The following CYP46A1 variants were observed in gnomAD, a reference collection of about 807,000 sequenced individuals.
CYP46A1 encodes cytochrome P450 family 46 subfamily A member 1, also known as cholesterol 24-hydroxylase.
A neutral mutation model predicts 63.3 loss-of-function variants in CYP46A1; 20 were observed. The ratio of observed to expected loss-of-function variants is 0.32; its 90% confidence interval spans 0.22 to 0.46. The LOEUF is 0.46. Ranked by LOEUF, CYP46A1 falls within the 20% of genes least tolerant of loss-of-function variation. The probability of loss-of-function intolerance (pLI) is 1.00; values close to 1 mark genes in which losing one functional copy is unlikely to be tolerated. For missense variants in CYP46A1, 445 were observed against 670.8 expected (o/e 0.66, Z 3.72); for synonymous variants, 268 against 273.6 (o/e 0.98, Z 0.20).
chr14:99,689,246 G>A (rs1164492397), intron 1 of CYP46A1, among the ~76,000 whole-genome samples: 1 of 152,176 alleles, frequency 6.6e-6, no homozygotes, highest in Non-Finnish European at 1.5e-5. Context: ...GCTTGTCTGA[G>A]ATTGGTCCCC....
intron 10 of CYP46A1, among the ~76,000 whole-genome samples, chr14:99,719,524 C>A (rs945017721): frequency 5.3e-5 from 8 of 151,718 alleles, no homozygotes; most frequent in African/African-American, 1.9e-4. Context: ...TCCTGGCCTC[C>A]GTCTCCAGAC....
intron 5 of CYP46A1, among the ~76,000 whole-genome samples, chr14:99,705,351 G>T (rs1251358972): frequency 6.6e-6 from 1 of 152,164 alleles, no homozygotes; most frequent in Non-Finnish European, 1.5e-5. Context: ...GGGGCTACAG[G>T]AGTGTGCCAC....
chr14:99,707,184 C>T (rs1247599030), intron 6 of CYP46A1, among the ~76,000 whole-genome samples: 7 of 152,296 alleles, frequency 4.6e-5, no homozygotes, highest in East Asian at 1.9e-4. Context: ...TATGTGGGGG[C>T]GGGGCAGGTC....
At chr14:99,718,861 C>T (rs554847738) in intron 10 of CYP46A1, among the ~76,000 whole-genome samples, 26 of 152,060 alleles carry the variant, frequency 1.7e-4, no homozygotes, top group African/African-American at 4.6e-4. Context: ...ATAAGCATTT[C>T]GTATAAAAAT....
In CYP46A1 at chr14:99,718,115, G is replaced by A; in HGVS notation, c.969G>A (p.Glu323=). ...TGATGGAGCTGTCTCGCCAGCCAGAGATCGTGGCAAGGTATGGGGGCTGCT... is the reference window on the plus strand; with the variant it reads ...TGATGGAGCTGTCTCGCCAGCCAGAAATCGTGGCAAGGTATGGGGGCTGCT... ...FTVMELSRQP[E]IVARLQAEVD... Residue 323 remains glutamate (E), a synonymous_variant, in exon 10 of 15, where the codon GAG becomes GAA. Coordinates refer to ENST00000261835, the MANE Select transcript of CYP46A1 (RefSeq NM_006668.2). The A allele has an allele frequency of 6.2e-7, 1 of 1,614,154 alleles. No homozygotes were observed. Among genetic ancestry groups the A allele is most frequent in the East Asian group, 2.2e-5 (1 of 44,866 alleles).
At chr14:99,703,927 A>G (rs1595192407) in intron 5 of CYP46A1, 8 of 970,954 alleles carry the variant, frequency 8.2e-6, no homozygotes, top group African/African-American at 1.8e-5. Flanking sequence ...TTATTTAAGA[A>G]ATACTTATTG....
chr14:99,692,184 ACT>A (rs2056549752), intron 3 of CYP46A1, among the ~76,000 whole-genome samples: 1 of 152,028 alleles, frequency 6.6e-6, no homozygotes, highest in African/African-American at 2.4e-5. Context: ...GGGAATTATA[ACT>A]CTATCTCCAG....
rs111872203 is a variant in CYP46A1 at position 99,721,871 on chromosome 14, A to G, written c.1066-85A>G. 8,352 of 1,114,460 alleles carry G rather than the reference A, an allele frequency of 7.5e-3. 301 individuals carry two copies. In the African/African-American group the frequency reaches 0.086, roughly 11 times the overall value. The allele number at this position is 1,114,460 out of a possible 1,614,324, so 69.0% of individuals were successfully genotyped here. A position where few individuals can be genotyped will look rare whatever the true frequency, so the allele number is the denominator to read the frequency against. On this transcript the variant is annotated intron_variant, in intron 11 of 14. Transcript: ENST00000261835. ...TGCACTCAGCCTGTGGGTGGGAAAG[A>G]CAGGGGTCCCAGGCATGCCGCCGGC...
chr14:99,709,446 A>C (rs1234895757), intron 7 of CYP46A1: 1 of 152,220 alleles, frequency 6.6e-6, no homozygotes, highest in African/African-American at 2.4e-5. Context: ...TAGATTAAGC[A>C]GAAGAAAGAA....
chr14:99,689,658 A>AC (rs1566825321), intron 1 of CYP46A1, among the ~76,000 whole-genome samples: 1 of 151,932 alleles, frequency 6.6e-6, no homozygotes, highest in African/African-American at 2.4e-5. Context: ...TCATCCTCAC[A>AC]CCCCCATAGC....
intron 3 of CYP46A1, 36 bp downstream of exon 3, chr14:99,691,897 T>C: frequency 6.3e-7 from 1 of 1,599,848 alleles, no homozygotes; most frequent in Non-Finnish European, 8.6e-7. Flanking sequence ...GGGAGTTCCC[T>C]GCCTTTCCTT....
intron 2 of CYP46A1, 142 bp from the exon 3 acceptor site, chr14:99,691,638 T>C: frequency 1.3e-6 from 1 of 741,288 alleles, no homozygotes; most frequent in Non-Finnish European, 2.3e-6. Flanking sequence ...CCAGGGCTCC[T>C]GGGCCCCAGG....
chr14:99,699,183 T>C (rs1005384284), intron 3 of CYP46A1, among the ~76,000 whole-genome samples: 5 of 152,066 alleles, frequency 3.3e-5, no homozygotes, highest in African/African-American at 1.2e-4. Flanking sequence ...GGTGACATGG[T>C]ATGGGGTTCC....
chr14:99,720,904 G>A (rs987917683), intron 10 of CYP46A1, among the ~76,000 whole-genome samples: 2 of 150,204 alleles, frequency 1.3e-5, no homozygotes, highest in African/African-American at 2.4e-5. Flanking sequence ...GGCCAACATG[G>A]TGAAACCCTG....
intron 11 of CYP46A1, among the ~76,000 whole-genome samples, chr14:99,721,632 C>T (rs1158088558): frequency 6.6e-6 from 1 of 152,162 alleles, no homozygotes; most frequent in Non-Finnish European, 1.5e-5. Context: ...GAGTCAGGCT[C>T]AGCAGCGCCT....
At chr14:99,713,965 T>C (rs2056763849) in intron 7 of CYP46A1, among the ~76,000 whole-genome samples, 1 of 141,882 alleles carries the variant, frequency 7.0e-6, no homozygotes, top group Non-Finnish European at 1.5e-5. Context: ...ATCAACAGAA[T>C]AAAGAGACAA....
intron 1 of CYP46A1, among the ~76,000 whole-genome samples, chr14:99,687,291 G>A (rs1027089367): frequency 7.9e-5 from 12 of 152,186 alleles, no homozygotes; most frequent in Non-Finnish European, 4.4e-5. Flanking sequence ...GGTAATGTGG[G>A]AGTGGATGTA....
intron 5 of CYP46A1, among the ~76,000 whole-genome samples, chr14:99,702,167 T>C (rs2056637491): frequency 1.3e-5 from 2 of 152,322 alleles, no homozygotes; most frequent in South Asian, 4.1e-4. Context: ...CTATGGATTT[T>C]TGCATTCTAG....
chr14:99,692,034 G>A (rs2056548369), intron 3 of CYP46A1, among the ~76,000 whole-genome samples, 173 bp downstream of exon 3: 1 of 152,104 alleles, frequency 6.6e-6, no homozygotes, highest in African/African-American at 2.4e-5. Flanking sequence ...CCACTCCTTG[G>A]GGACTCTTGC....
Sources: gnomAD v4.1 joint callset for allele counts (sites outside exome capture counted in the v4.1 genomes callset) on GRCh38, gnomAD v4.1.1 for gene constraint, MANE v1.5 for transcripts, NCBI Gene and HGNC (gene_info 2026-07-23, HGNC 2026-07-21) for gene names.